Variants in SLIT3 observed in about 807,000 individuals in gnomAD.
SLIT3 encodes the protein slit homolog 3 protein.
In SLIT3, 68 loss-of-function variants were observed where a neutral mutation model predicts 184.0. The observed-to-expected ratio is 0.37, with a 90% CI of 0.30 to 0.45. The LOEUF is 0.45. SLIT3 is among the 20% of genes least tolerant of loss of function. The probability of loss-of-function intolerance (pLI) is 1.00; values close to 1 mark genes in which losing one functional copy is unlikely to be tolerated. For missense variants in SLIT3, 1,707 were observed against 2,026.0 expected (o/e 0.84, Z 3.02); for synonymous variants, 831 against 828.6 (o/e 1.00, Z -0.05).
At chr5:168,844,203 G>C (rs553387839) in intron 6 of SLIT3, among the ~76,000 whole-genome samples, 1 of 152,164 alleles carries the variant, frequency 6.6e-6, no homozygotes, top group East Asian at 1.9e-4. Context: ...CTGTCTCCCA[G>C]TGTGCCCGCA....
At position 168,961,246 on chromosome 5, in the gene SLIT3, C is replaced by T. The variant is rs149684456; in HGVS notation, c.414-77910G>A. ...TAATTACTAAAGACTACACAGGTGC[C>T]CACTGCAGGAAGAAATAGCCAGCAC... On this transcript the variant is annotated intron_variant, in intron 4 of 35. Coordinates refer to ENST00000519560, the MANE Select transcript of SLIT3 (RefSeq NM_003062.4). 5.1e-4 allele frequency among the ~76,000 whole-genome samples: 78 copies of T among 152,280 alleles called. 1 individual carries two copies. The East Asian group carries it at 0.014, about 28-fold the overall frequency.
chr5:168,990,289 G>C (rs1230928620), intron 4 of SLIT3, among the ~76,000 whole-genome samples: 2 of 152,342 alleles, frequency 1.3e-5, no homozygotes, highest in African/African-American at 2.4e-5. Context: ...GAGTCACAGA[G>C]AAGGGTGAGG....
intron 4 of SLIT3, among the ~76,000 whole-genome samples, chr5:168,907,944 GTATATATA>G (rs1224392381): frequency 2.4e-3 from 129 of 53,102 alleles, no homozygotes; most frequent in African/African-American, 7.8e-3. Flanking sequence ...TATTATACGT[GTATATATA>G]TATATATATA....
intron 5 of SLIT3, among the ~76,000 whole-genome samples, chr5:168,868,701 T>A (rs1331251290): frequency 1.5e-5 from 2 of 129,778 alleles, no homozygotes; most frequent in African/African-American, 6.1e-5. Flanking sequence ...CGAGCTGAGA[T>A]CACGCCACTG....
intron 34 of SLIT3, 60 bp downstream of exon 34, chr5:168,671,138 G>C: frequency 1.3e-6 from 2 of 1,555,376 alleles, no homozygotes; most frequent in Non-Finnish European, 1.7e-6. Flanking sequence ...CTCAGGTGGG[G>C]TAGGGACTGA....
chr5:168,968,534 C>A (rs1380222587), intron 4 of SLIT3, among the ~76,000 whole-genome samples: 4 of 152,176 alleles, frequency 2.6e-5, no homozygotes, highest in African/African-American at 9.7e-5. Context: ...CTCCTATGAA[C>A]TTGTGTATAC....
chr5:168,823,727 A>G (rs1757611136), intron 6 of SLIT3, among the ~76,000 whole-genome samples: 1 of 152,170 alleles, frequency 6.6e-6, no homozygotes, highest in Non-Finnish European at 1.5e-5. Flanking sequence ...ACAAATCTAC[A>G]AATGTGTTAT....
At chr5:168,793,576 G>A (rs958609174) in intron 10 of SLIT3, among the ~76,000 whole-genome samples, 1 of 152,176 alleles carries the variant, frequency 6.6e-6, no homozygotes, top group Non-Finnish European at 1.5e-5. Flanking sequence ...GGTCGTGACT[G>A]AGAAGGTCTT....
chr5:169,162,832 GC>G (rs140374669), intron 4 of SLIT3, among the ~76,000 whole-genome samples: 2,444 of 152,282 alleles, frequency 0.016, 74 homozygotes, highest in African/African-American at 0.057. Context: ...TTGCTAAATG[GC>G]CAGGGTCATC....
chr5:168,803,508 G>C (rs10069387), intron 9 of SLIT3, among the ~76,000 whole-genome samples: 40,978 of 152,102 alleles, frequency 0.27, 6,005 homozygotes, highest in East Asian at 0.42. Flanking sequence ...GCCCACCTCT[G>C]ATGTTGTTAT....
intron 20 of SLIT3, among the ~76,000 whole-genome samples, chr5:168,743,322 C>T (rs1280122664): frequency 6.6e-6 from 1 of 152,168 alleles, no homozygotes; most frequent in Non-Finnish European, 1.5e-5. Context: ...GCATATCTGA[C>T]TTCATGTCTC....
chr5:169,300,721 C>T lies in SLIT3; in HGVS notation c.-12G>A. The stretch of plus-strand genomic sequence containing the variant: ...CACCCGGGGGCCATGGTGTGCAGGG[C>T]CCCGCTCCTGGAGGAGGCTGCCTCT... On this transcript the variant is annotated 5_prime_UTR_variant, in exon 1 of 36. Transcript: ENST00000519560. This position sits in a 1 kb window ranked among gnomAD's most constrained non-coding sequence, Gnocchi z 4.1. 7.6e-7 allele frequency: 1 copy of T among 1,314,560 alleles called. No homozygotes were observed. The highest frequency in any genetic ancestry group is 2.1e-5 in the South Asian group (1 of 47,618). The allele number at this position is 1,314,560 out of a possible 1,614,324, so 81.4% of individuals were successfully genotyped here.
chr5:168,804,848 G>A (rs1311157650), intron 9 of SLIT3, among the ~76,000 whole-genome samples: 2 of 152,096 alleles, frequency 1.3e-5, no homozygotes, highest in African/African-American at 2.4e-5. Context: ...CCCAGGATGC[G>A]GCCCCTCCTT....
chr5:169,287,419 G>C (rs1171213293), intron 1 of SLIT3, among the ~76,000 whole-genome samples: 1 of 152,040 alleles, frequency 6.6e-6, no homozygotes, highest in East Asian at 1.9e-4. Flanking sequence ...TGTCTCCCTA[G>C]CTTCCCAGAT....
chr5:168,873,682 C>T (rs1759622597), intron 5 of SLIT3, among the ~76,000 whole-genome samples: 1 of 152,078 alleles, frequency 6.6e-6, no homozygotes, highest in East Asian at 1.9e-4. Context: ...AACCAGAAAG[C>T]AACGTACAAA....
At chr5:169,229,548 C>T (rs1764923049) in intron 3 of SLIT3, among the ~76,000 whole-genome samples, 1 of 151,982 alleles carries the variant, frequency 6.6e-6, no homozygotes, top group Admixed American at 6.6e-5. Flanking sequence ...GAAAGAATGC[C>T]AGTTTGGTAT....
At chr5:169,128,881 C>T (rs774349507) in intron 4 of SLIT3, among the ~76,000 whole-genome samples, 25 of 152,098 alleles carry the variant, frequency 1.6e-4, no homozygotes, top group African/African-American at 4.6e-4. Flanking sequence ...CTGCAGCTCA[C>T]GCTCATCTGC....
At chr5:169,006,605 T>TCACA (rs372485234) in intron 4 of SLIT3, among the ~76,000 whole-genome samples, 169 of 145,880 alleles carry the variant, frequency 1.2e-3, no homozygotes, top group Admixed American at 3.2e-3. Context: ...TCTCTCTCTC[T>TCACA]CACACACACA....
intron 4 of SLIT3, among the ~76,000 whole-genome samples, chr5:168,935,147 A>AC (rs1340299371): frequency 6.6e-6 from 1 of 150,426 alleles, no homozygotes; most frequent in African/African-American, 2.5e-5. Flanking sequence ...CAAAAAAAAA[A>AC]AACAAAAAAA....
Sources: gnomAD v4.1 joint callset for allele counts (sites outside exome capture counted in the v4.1 genomes callset) on GRCh38, gnomAD v4.1.1 for gene constraint, Gnocchi (gnomAD v3.1) non-coding constraint, MANE v1.5 for transcripts, NCBI Gene and HGNC (gene_info 2026-07-23, HGNC 2026-07-21) for gene names.